PCDHGA3: variants seen among roughly 807,000 people sequenced by gnomAD.
PCDHGA3 encodes the protein protocadherin gamma-A3.
PCDHGA3 carries 40 observed loss-of-function variants against 58.5 expected under a neutral mutation model. That is an observed-to-expected ratio of 0.68 (90% CI 0.53 to 0.89). The LOEUF is 0.89. Among genes scored for constraint, PCDHGA3 ranks in the 40% least tolerant of loss-of-function variants. PCDHGA3 has a pLI of 0.00. For missense variants in PCDHGA3, 1,223 were observed against 1,195.9 expected (o/e 1.02, Z -0.33); for synonymous variants, 530 against 525.7 (o/e 1.01, Z -0.11).
intron 1 of PCDHGA3, chr5:141,384,813 C>G: frequency 6.2e-7 from 1 of 1,613,412 alleles, no homozygotes. Flanking sequence ...GAGATGCCCT[C>G]AAGCAGAGCC....
intron 1 of PCDHGA3, chr5:141,366,706 G>A (rs202189432): frequency 6.2e-7 from 1 of 1,614,124 alleles, no homozygotes; most frequent in African/African-American, 1.3e-5. Context: ...AGCCTCTTCT[G>A]ATGTCTGATA....
intron 3 of PCDHGA3, among the ~76,000 whole-genome samples, chr5:141,508,761 C>G (rs943236216): frequency 6.6e-6 from 1 of 151,974 alleles, no homozygotes; most frequent in Admixed American, 6.6e-5. Context: ...TCTGGCGCCT[C>G]TGAGGTCCCC....
rs751034521 is a variant in PCDHGA3, at chr5:141,405,112, C to A, written c.2424+58655C>A. ...TGGCCCTCAGGCTGAGGCACTGGCA[C>A]TCCTCGCATCTGCTGCGGGCTACCA... On this transcript the variant is annotated intron_variant, in intron 1 of 3. Coordinates refer to ENST00000253812, the MANE Select transcript of PCDHGA3 (RefSeq NM_018916.4). 4.5e-5 allele frequency: 73 copies of A among 1,613,868 alleles called. 1 individual carries two copies. The Middle Eastern group carries it at 5.9e-3, about 131-fold the overall frequency.
intron 1 of PCDHGA3, chr5:141,427,942 T>C (rs1561832592): frequency 6.3e-7 from 1 of 1,586,106 alleles, no homozygotes; most frequent in Non-Finnish European, 8.6e-7. Context: ...GTGGGCGACC[T>C]CAATGACAAT....
intron 1 of PCDHGA3, chr5:141,421,914 T>C: frequency 4.3e-6 from 7 of 1,613,742 alleles, no homozygotes; most frequent in Non-Finnish European, 5.9e-6. Flanking sequence ...CAGTTCCCAT[T>C]CGTGTGGTGG....
Position 141,485,087 on chromosome 5 carries a change from T to G in PCDHGA3, c.2425-9720T>G. The G allele has an allele frequency of 2.0e-6, 2 of 1,000,176 alleles. No homozygotes were observed. The highest frequency in any genetic ancestry group is 1.5e-6 in the Non-Finnish European group (1 of 651,808). 62.0% of individuals were successfully genotyped at this position (1,000,176 alleles called of 1,614,324 possible). A position where few individuals can be genotyped will look rare whatever the true frequency, so the allele number is the denominator to read the frequency against. The stretch of plus-strand genomic sequence containing the variant: ...CAGAGCTGGCGCGGGGAAAGGGAGA[T>G]AGGTGTCTCCAGCTGCTGTGGCTGT... On this transcript the variant is annotated intron_variant, in intron 1 of 3. Transcript: ENST00000253812. This position sits in a 1 kb window ranked among gnomAD's most constrained non-coding sequence, Gnocchi z 5.7.
At chr5:141,466,574 T>C (rs978880367) in intron 1 of PCDHGA3, among the ~76,000 whole-genome samples, 5 of 152,218 alleles carry the variant, frequency 3.3e-5, no homozygotes, top group Non-Finnish European at 5.9e-5. Flanking sequence ...CAACATTGTC[T>C]CATCCCTTCT....
In PCDHGA3 at chr5:141,491,365, T is replaced by A. The variant is rs201011046; in HGVS notation, c.2425-3442T>A. ...CGTCAGTCTCTTATCCCTAGTCACC[T>A]TCACCTTTCTGTCAGCGAAGTGCCT... On this transcript the variant is annotated intron_variant, in intron 1 of 3. Transcript: ENST00000253812. This position sits in a 1 kb window ranked among gnomAD's most constrained non-coding sequence, Gnocchi z 6.9. 1.7e-5 allele frequency: 27 copies of A among 1,614,016 alleles called. No individual in the cohort carries two copies. The highest frequency in any genetic ancestry group is 2.0e-5 in the Non-Finnish European group (24 of 1,179,982).
In PCDHGA3 at chr5:141,345,998, C is replaced by G. The variant is rs758844138; in HGVS notation, c.1965C>G (p.Ser655=). 3 of 1,613,468 alleles carry G rather than the reference C, an allele frequency of 1.9e-6. No individual in the cohort carries two copies. The highest frequency in any genetic ancestry group is 2.7e-5 in the African/African-American group (2 of 75,044). ...AVQDHGQPPL[S]ATVTLTVAVA... is the part of the protein sequence containing the mutation. ...AGGACCACGGCCAGCCCCCTCTCTC[C>G]GCCACTGTCACGCTCACCGTGGCCG... Residue 655 remains serine (S), a synonymous_variant, in exon 1 of 4, where the codon TCC becomes TCG. Coordinates refer to ENST00000253812, the MANE Select transcript of PCDHGA3 (RefSeq NM_018916.4).
At chr5:141,500,446 T>C (rs2099800320) in intron 2 of PCDHGA3, among the ~76,000 whole-genome samples, 1 of 152,002 alleles carries the variant, frequency 6.6e-6, no homozygotes, top group South Asian at 2.1e-4. Context: ...CCTGACCTCG[T>C]GATCCGCCCG....
chr5:141,398,017 A>AAACTGG (rs1270977201), intron 1 of PCDHGA3: 25 of 1,422,582 alleles, frequency 1.8e-5, no homozygotes, highest in Non-Finnish European at 2.2e-5. Context: ...ATCGTTTCCT[A>AAACTGG]AACTGGAACT....
chr5:141,361,413 C>T (rs1294377498), intron 1 of PCDHGA3: 1 of 1,613,902 alleles, frequency 6.2e-7, no homozygotes, highest in African/African-American at 1.3e-5. Context: ...CAGCCACCGA[C>T]GGGGGCAAGC....
intron 1 of PCDHGA3, among the ~76,000 whole-genome samples, chr5:141,460,912 G>GTGTATA (rs145509489): frequency 0.032 from 4,842 of 149,286 alleles, 90 homozygotes; most frequent in Middle Eastern, 0.083. Flanking sequence ...ATTCCATGGT[G>GTGTATA]TATATATATA....
intron 1 of PCDHGA3, among the ~76,000 whole-genome samples, chr5:141,459,575 G>T (rs2098970751): frequency 1.3e-5 from 2 of 152,132 alleles, no homozygotes; most frequent in Admixed American, 6.5e-5. Context: ...AAACAGAATT[G>T]TTTTGGGGGT....
Position 141,412,258 on chromosome 5 carries a change from C to T in PCDHGA3, c.2424+65801C>T, listed in dbSNP as rs569698099. 5.8e-4 allele frequency: 88 copies of T among 152,314 alleles called. 1 individual carries two copies. The highest frequency in any genetic ancestry group is 2.0e-3 in the African/African-American group (83 of 41,568). 9.4% of individuals were successfully genotyped at this position (152,314 alleles called of 1,614,324 possible). On this transcript the variant is annotated intron_variant, in intron 1 of 3. Transcript: ENST00000253812. Reference sequence around the variant, plus strand: ...ATATCACTACATCTAACTTTGTTTTCTAAAACTTTTAGTACTTCAAATTCT... The same window carrying T: ...ATATCACTACATCTAACTTTGTTTTTTAAAACTTTTAGTACTTCAAATTCT...
chr5:141,351,265 C>A, intron 1 of PCDHGA3: 1 of 1,613,896 alleles, frequency 6.2e-7, no homozygotes, highest in Non-Finnish European at 8.5e-7. Context: ...AAATTGTTGA[C>A]GAGAATGACA....
chr5:141,427,985 C>A (rs747784722), intron 1 of PCDHGA3: 23 of 1,597,524 alleles, frequency 1.4e-5, no homozygotes, highest in Non-Finnish European at 1.9e-5. Context: ...CGCTGGGGCC[C>A]GATGGCTCCG....
Position 141,485,856 on chromosome 5 carries a change from T to C in PCDHGA3, c.2425-8951T>C. ...CCGCCGAGATCTGGCACCGCAGAGC[T>C]CCGGGTATCCGTGCTGGACGTAAAC... is the stretch of plus-strand genomic sequence containing the variant. On this transcript the variant is annotated intron_variant, in intron 1 of 3. Coordinates refer to ENST00000253812, the MANE Select transcript of PCDHGA3 (RefSeq NM_018916.4). The surrounding 1 kb of genome is among the most constrained non-coding windows in gnomAD (Gnocchi z 5.7). 1 of 1,614,108 alleles carries C rather than the reference T, an allele frequency of 6.2e-7. No individual in the cohort carries two copies. The highest frequency in any genetic ancestry group is 8.5e-7 in the Non-Finnish European group (1 of 1,180,014).
intron 3 of PCDHGA3, among the ~76,000 whole-genome samples, chr5:141,506,781 T>C (rs965408564): frequency 1.4e-4 from 22 of 152,168 alleles, no homozygotes; most frequent in African/African-American, 5.3e-4. Context: ...CCTGGGCTTA[T>C]AAGGAGGCTG....
Sources: gnomAD v4.1 joint callset for allele counts (sites outside exome capture counted in the v4.1 genomes callset) on GRCh38, gnomAD v4.1.1 for gene constraint, Gnocchi (gnomAD v3.1) non-coding constraint, MANE v1.5 for transcripts, NCBI Gene and HGNC (gene_info 2026-07-23, HGNC 2026-07-21) for gene names.